MPDZ: variants seen among roughly 807,000 people sequenced by gnomAD.
The protein encoded by MPDZ is multiple PDZ domain protein.
A neutral mutation model predicts 239.1 loss-of-function variants in MPDZ; 234 were observed. The ratio of observed to expected loss-of-function variants is 0.98; its 90% confidence interval spans 0.88 to 1.09. The LOEUF is 1.09. MPDZ is among the 50% of genes least tolerant of loss of function. MPDZ has a pLI of 0.00. For missense variants in MPDZ, 3,175 were observed against 2,510.0 expected (o/e 1.26, Z -5.66); for synonymous variants, 1,048 against 881.3 (o/e 1.19, Z -3.35).
intron 2 of MPDZ, among the ~76,000 whole-genome samples, chr9:13,248,999 A>AC: frequency 6.8e-6 from 1 of 146,546 alleles, no homozygotes; most frequent in Non-Finnish European, 1.5e-5. Flanking sequence ...AAAAAAAAAA[A>AC]AAAAAAAAAA....
intron 1 of MPDZ, among the ~76,000 whole-genome samples, chr9:13,250,857 G>A (rs1362852276): frequency 5.9e-5 from 9 of 152,178 alleles, no homozygotes; most frequent in African/African-American, 2.2e-4. Context: ...GGCTGGGCAT[G>A]GTGGCTCACA....
Position 13,186,342 on chromosome 9 carries a change from A to T in MPDZ, c.2409T>A (p.Phe803Leu). Residue 803 changes from phenylalanine to leucine, a missense_variant, in exon 18 of 47, where the codon TTT becomes TTA. Physicochemically the swap from Phe to Leu is conservative, Grantham distance 22. Transcript: ENST00000319217. ...CCTCACAGGAGTGTGGTGGGTAGAGAAAGGAATCCTCCTTAGCAGAAACAT... is the reference window on the plus strand; with the variant it reads ...CCTCACAGGAGTGTGGTGGGTAGAGTAAGGAATCCTCCTTAGCAGAAACAT... ...EGYVSAKEDS[F>L]LYPPHSCEEA... is the part of the protein sequence containing the mutation. 1.9e-6 allele frequency: 3 copies of T among 1,592,938 alleles called. No homozygotes were observed. The highest frequency in any genetic ancestry group is 2.6e-6 in the Non-Finnish European group (3 of 1,169,088).
chr9:13,115,241 T>C lies in MPDZ; in HGVS notation c.5466+7A>G, dbSNP rs752832111. 4 of 1,610,892 alleles carry C rather than the reference T, an allele frequency of 2.5e-6. No individual in the cohort carries two copies. Among genetic ancestry groups the C allele is most frequent in the Non-Finnish European group, 2.5e-6 (3 of 1,178,430 alleles). ...GCATCGCCCTGATGAACTCCACAGC[T>C]ACCCACCTGGCTGCTTTGAGATGGC... On this transcript the variant is annotated splice_region_variant and intron_variant, in intron 40 of 46. Coordinates refer to ENST00000319217, the MANE Select transcript of MPDZ (RefSeq NM_001378778.1).
chr9:13,114,372 T>C (rs573404006), intron 40 of MPDZ, among the ~76,000 whole-genome samples: 42 of 152,276 alleles, frequency 2.8e-4, no homozygotes, highest in South Asian at 6.2e-4. Flanking sequence ...GGCCAGCTAA[T>C]AGGAAACTCA....
At chr9:13,257,131 A>T (rs2138466999) in intron 1 of MPDZ, among the ~76,000 whole-genome samples, 1 of 152,310 alleles carries the variant, frequency 6.6e-6, no homozygotes, top group Non-Finnish European at 1.5e-5. Flanking sequence ...ATTTGGTTAT[A>T]ACTGAACCTA....
rs1341414782 is a variant in MPDZ at position 13,109,961 on chromosome 9, T to A, written c.5933A>T (p.Asp1978Val). ...TCATGTATGAACTCACCCTAAATCA[T>A]CCTGAAATATACTGCTTGACGTCAG... ...TGLTSSSIFQ[D>V]DLGPPQCKSI... The change falls in exon 45 of 47, where the codon GAT becomes GTT. Residue 1978 changes from aspartate to valine, a missense_variant. Physicochemically the swap from Asp to Val is radical, Grantham distance 152. Transcript: ENST00000319217. The A allele has an allele frequency of 6.2e-7, 1 of 1,612,234 alleles. No homozygotes were observed. The highest frequency in any genetic ancestry group is 1.7e-5 in the Admixed American group (1 of 59,876).
intron 32 of MPDZ, among the ~76,000 whole-genome samples, chr9:13,131,478 C>G (rs1945989550): frequency 6.6e-6 from 1 of 152,094 alleles, no homozygotes; most frequent in African/African-American, 2.4e-5. Flanking sequence ...TGTAGAAAAA[C>G]AGCCTGTTGT....
At chr9:13,158,131 T>C in intron 23 of MPDZ, 21 bp from the exon 24 acceptor site, 3 of 1,588,556 alleles carry the variant, frequency 1.9e-6, no homozygotes, top group South Asian at 1.1e-5. Flanking sequence ...AATTACACAA[T>C]GAGTACCCCA....
intron 23 of MPDZ, 22 bp downstream of exon 23, chr9:13,162,669 T>C: frequency 1.3e-6 from 2 of 1,496,568 alleles, no homozygotes; most frequent in Non-Finnish European, 1.9e-6. Flanking sequence ...ATTCATTGTA[T>C]TAGATTTAAT....
At chr9:13,238,169 C>T (rs1964550613) in intron 3 of MPDZ, among the ~76,000 whole-genome samples, 3 of 152,326 alleles carry the variant, frequency 2.0e-5, no homozygotes, top group Admixed American at 6.5e-5. Context: ...AAGCTGTAAG[C>T]TTGCACAGGT....
Position 13,115,297 on chromosome 9 carries a change from A to C in MPDZ, c.5417T>G (p.Ile1806Ser), listed in dbSNP as rs1466096377. The C allele has an allele frequency of 5.6e-6, 9 of 1,612,644 alleles. No homozygotes were observed. The highest frequency in any genetic ancestry group is 1.1e-5 in the South Asian group (1 of 91,066). ...LGTVTLEVGR[I>S]KAGPFHSERR... is the part of the protein sequence containing the mutation. The stretch of plus-strand genomic sequence containing the variant: ...CTCTGAATGGAATGGACCAGCTTTG[A>C]TTCTTCCAACTTCCAAGGTTACTGT... The change falls in exon 40 of 47, where the codon ATC becomes AGC. Residue 1806 changes from isoleucine to serine, a missense_variant. Transcript: ENST00000319217.
At chr9:13,218,076 A>AT (rs1958596549) in intron 8 of MPDZ, among the ~76,000 whole-genome samples, 3 of 151,912 alleles carry the variant, frequency 2.0e-5, no homozygotes, top group Non-Finnish European at 2.9e-5. Context: ...AATCAAAGCT[A>AT]TAGATTCTAA....
At chr9:13,124,448 C>T (rs1563848779) in intron 35 of MPDZ, among the ~76,000 whole-genome samples, 1 of 152,056 alleles carries the variant, frequency 6.6e-6, no homozygotes, top group Admixed American at 6.6e-5. Context: ...AAATTTCTCC[C>T]CTCCACCCCC....
intron 1 of MPDZ, among the ~76,000 whole-genome samples, chr9:13,277,332 A>G (rs1448630786): frequency 6.6e-6 from 1 of 152,186 alleles, no homozygotes; most frequent in Non-Finnish European, 1.5e-5. Flanking sequence ...AAAGGAACAT[A>G]TGTAAGAAAT....
chr9:13,123,365 C>T, intron 35 of MPDZ, 67 bp from the exon 36 acceptor site: 2 of 1,397,990 alleles, frequency 1.4e-6, no homozygotes, highest in Non-Finnish European at 2.0e-6. Flanking sequence ...TCAAACTCAT[C>T]ACACAGATTG....
At chr9:13,160,539 C>A (rs2133519929) in intron 23 of MPDZ, among the ~76,000 whole-genome samples, 1 of 151,842 alleles carries the variant, frequency 6.6e-6, no homozygotes, top group African/African-American at 2.4e-5. Context: ...TTAAGTAAGT[C>A]ATTTGACACA....
intron 3 of MPDZ, among the ~76,000 whole-genome samples, chr9:13,245,329 G>A (rs1468695673): frequency 6.8e-6 from 1 of 147,048 alleles, no homozygotes; most frequent in Non-Finnish European, 1.5e-5. Context: ...TTTAAAAAAC[G>A]AATCACAGAC....
chr9:13,159,082 C>T (rs1032281507), intron 23 of MPDZ, among the ~76,000 whole-genome samples: 1 of 152,070 alleles, frequency 6.6e-6, no homozygotes, highest in African/African-American at 2.4e-5. Flanking sequence ...AGCCATTCTC[C>T]CCTGACAGGA....
At chr9:13,160,830 T>TTATATATATATATATATATATATATA (rs58374268) in intron 23 of MPDZ, among the ~76,000 whole-genome samples, 1 of 37,990 alleles carries the variant, frequency 2.6e-5, no homozygotes, top group African/African-American at 7.4e-5. Context: ...ATTATTAAAA[T>TTATATATATATATATATATATATATA]TATATATATA....
Sources: gnomAD v4.1 joint callset for allele counts (sites outside exome capture counted in the v4.1 genomes callset) on GRCh38, gnomAD v4.1.1 for gene constraint, MANE v1.5 for transcripts, NCBI Gene and HGNC (gene_info 2026-07-23, HGNC 2026-07-21) for gene names.